Variants in PTPRO observed in about 807,000 individuals in gnomAD.
PTPRO encodes receptor-type tyrosine-protein phosphatase O.
A neutral mutation model predicts 145.2 loss-of-function variants in PTPRO; 62 were observed. The ratio of observed to expected loss-of-function variants is 0.43; its 90% CI spans 0.35 to 0.53. The LOEUF (loss-of-function observed/expected upper bound fraction) is 0.53, where lower values mean the gene tolerates loss of function less well. Ranked by LOEUF, PTPRO falls within the 20% of genes least tolerant of loss-of-function variation. The pLI, the probability that PTPRO is intolerant of heterozygous loss-of-function variation, is 0.01. For missense variants in PTPRO, 1,345 were observed against 1,482.7 expected, an observed-to-expected ratio of 0.91 and a Z score of 1.53; for synonymous variants, 565 against 514.7, an observed-to-expected ratio of 1.10 and a Z score of -1.32.
At chr12:15,396,022 ACAGATCAC>A in intron 1 of PTPRO, among the ~76,000 whole-genome samples, 1 of 152,348 alleles carries the variant, frequency 6.6e-6, no homozygotes, top group Admixed American at 6.5e-5. Context: ...CACTGTGAAC[ACAGATCAC>A]CAGTGTGCAC....
At chr12:15,415,612 C>G (rs1398178068) in intron 1 of PTPRO, among the ~76,000 whole-genome samples, 2 of 151,656 alleles carry the variant, frequency 1.3e-5, no homozygotes. Flanking sequence ...GTCTCGATCT[C>G]CCGACCTTGT....
intron 2 of PTPRO, among the ~76,000 whole-genome samples, chr12:15,487,653 G>A (rs1941917987): frequency 6.6e-6 from 1 of 152,062 alleles, no homozygotes; most frequent in Non-Finnish European, 1.5e-5. Context: ...TGAGCATGGG[G>A]TAGAGGCCCA....
chr12:15,582,344 A>ACAC (rs1565445077), intron 23 of PTPRO, among the ~76,000 whole-genome samples: 1 of 152,228 alleles, frequency 6.6e-6, no homozygotes, highest in African/African-American at 2.4e-5. Flanking sequence ...ACAGACACCT[A>ACAC]CACCACCACC....
intron 1 of PTPRO, among the ~76,000 whole-genome samples, chr12:15,384,971 A>G (rs1938976896): frequency 6.6e-6 from 1 of 152,172 alleles, no homozygotes; most frequent in Non-Finnish European, 1.5e-5. Context: ...ATGCTTTTCA[A>G]AATTGTTACA....
intron 2 of PTPRO, among the ~76,000 whole-genome samples, chr12:15,495,077 CGTAA>C (rs1422605556): frequency 6.6e-6 from 1 of 151,804 alleles, no homozygotes; most frequent in Non-Finnish European, 1.5e-5. Context: ...TGACATGGTA[CGTAA>C]GTGAGTTAGT....
intron 1 of PTPRO, among the ~76,000 whole-genome samples, chr12:15,394,063 A>G (rs1939268706): frequency 6.6e-6 from 1 of 152,122 alleles, no homozygotes; most frequent in Admixed American, 6.5e-5. Flanking sequence ...TTAAGCCATG[A>G]ATGGACTAAT....
In PTPRO at chr12:15,578,879, C is replaced by T. The variant is rs1403298480; in HGVS notation, c.2856C>T (p.Ile952=). The T allele has an allele frequency of 2.5e-6, 4 of 1,605,112 alleles. No individual in the cohort carries two copies. The highest frequency in any genetic ancestry group is 2.6e-6 in the Non-Finnish European group (3 of 1,171,800). ...FEELKLIGLD[I]PHFAADLPLN... ...AGTTGAAATTGATTGGACTGGATAT[C>T]CCACACTTTGCTGCAGATCTTCCAC... Residue 952 remains isoleucine (I), a synonymous_variant, in exon 20 of 27, where the codon ATC becomes ATT. Coordinates refer to ENST00000281171, the MANE Select transcript of PTPRO (RefSeq NM_030667.3).
rs145289103 is a variant in PTPRO, at chr12:15,473,436, G to A, written c.76-10538G>A. Among the ~76,000 whole-genome samples, 554 of 152,278 alleles carry A rather than the reference G, an allele frequency of 3.6e-3. 1 individual carries two copies. Among genetic ancestry groups the A allele is most frequent in the Non-Finnish European group, 5.2e-3 (351 of 68,020 alleles). On this transcript the variant is annotated intron_variant, in intron 1 of 26. Transcript: ENST00000281171. ...GTGAACGTAATTACCGAATTCTGTA[G>A]TGTTTGGAAGTTAGTTAAACAAATG... is the stretch of plus-strand genomic sequence containing the variant.
intron 15 of PTPRO, among the ~76,000 whole-genome samples, chr12:15,556,503 T>C (rs1235867585): frequency 6.6e-6 from 1 of 151,910 alleles, no homozygotes; most frequent in African/African-American, 2.4e-5. Flanking sequence ...TTTTCTCTAC[T>C]TCTGGAAAAA....
chr12:15,346,596 AG>A (rs1171357371), intron 1 of PTPRO: 1 of 152,240 alleles, frequency 6.6e-6, no homozygotes, highest in Admixed American at 6.5e-5. Flanking sequence ...CTAGAAGATT[AG>A]CCAGTGTTTC....
intron 17 of PTPRO, among the ~76,000 whole-genome samples, chr12:15,561,545 A>G (rs1302129876): frequency 1.3e-5 from 2 of 152,106 alleles, no homozygotes; most frequent in Non-Finnish European, 2.9e-5. Context: ...GATGCTGAGG[A>G]CCCATTCACT....
intron 1 of PTPRO, among the ~76,000 whole-genome samples, chr12:15,380,997 A>C (rs368363094): frequency 2.5e-4 from 38 of 152,190 alleles, no homozygotes; most frequent in African/African-American, 8.7e-4. Context: ...AGTTTTGAAG[A>C]CATAGCATAA....
intron 1 of PTPRO, among the ~76,000 whole-genome samples, chr12:15,471,432 G>A (rs1393782763): frequency 6.6e-6 from 1 of 152,024 alleles, no homozygotes; most frequent in Non-Finnish European, 1.5e-5. Flanking sequence ...TAGAGAACTG[G>A]CATACTCTAT....
chr12:15,397,901 A>G (rs908598499), intron 1 of PTPRO, among the ~76,000 whole-genome samples: 3 of 152,140 alleles, frequency 2.0e-5, no homozygotes, highest in African/African-American at 7.2e-5. Context: ...GGGGATATGC[A>G]TTATTATAGC....
At chr12:15,343,246 TTTTG>T (rs1392472960) in intron 1 of PTPRO, among the ~76,000 whole-genome samples, 1 of 152,140 alleles carries the variant, frequency 6.6e-6, no homozygotes, top group Non-Finnish European at 1.5e-5. Context: ...AAAAGTTTAT[TTTTG>T]TTTGATACTG....
At chr12:15,553,986 G>A (rs561948722) in intron 15 of PTPRO, among the ~76,000 whole-genome samples, 3 of 152,298 alleles carry the variant, frequency 2.0e-5, no homozygotes, top group Non-Finnish European at 2.9e-5. Flanking sequence ...CCTGAAGTCG[G>A]GAGTTCGAGA....
chr12:15,574,197 G>A (rs539741679), intron 19 of PTPRO, among the ~76,000 whole-genome samples: 2 of 152,158 alleles, frequency 1.3e-5, no homozygotes, highest in Non-Finnish European at 2.9e-5. Flanking sequence ...TGTGTTTACT[G>A]AATAAATTTC....
At position 15,533,096 on chromosome 12, in the gene PTPRO, T is replaced by C. The variant is rs558054215; in HGVS notation, c.2164+6834T>C. Among the ~76,000 whole-genome samples, 17 of 152,272 alleles carry C rather than the reference T, an allele frequency of 1.1e-4. 1 individual carries two copies. In the East Asian group the frequency reaches 3.3e-3, roughly 29 times the overall value. On this transcript the variant is annotated intron_variant, in intron 12 of 26. Transcript: ENST00000281171. ...ATGAACTAGTACAACTGTATCTACA[T>C]AGGACTGTGAGTTAAAACCATGATA...
At chr12:15,380,318 G>A (rs1938819115) in intron 1 of PTPRO, among the ~76,000 whole-genome samples, 1 of 151,816 alleles carries the variant, frequency 6.6e-6, no homozygotes, top group South Asian at 2.1e-4. Flanking sequence ...TTACGAATAG[G>A]GAATTCAATA....
Sources: gnomAD v4.1 joint callset for allele counts (sites outside exome capture counted in the v4.1 genomes callset) on GRCh38, gnomAD v4.1.1 for gene constraint, MANE v1.5 for transcripts, NCBI Gene and HGNC (gene_info 2026-07-23, HGNC 2026-07-21) for gene names.